ADGRD1: variants seen among roughly 807,000 people sequenced by gnomAD.
ADGRD1 encodes the protein adhesion G protein-coupled receptor D1, also known as G-protein coupled receptor 133.
ADGRD1 carries 77 observed loss-of-function variants against 113.4 expected under a neutral mutation model. The ratio of observed to expected loss-of-function variants is 0.68; its 90% CI spans 0.57 to 0.82. ADGRD1 has a LOEUF of 0.82. ADGRD1 is among the 40% of genes least tolerant of loss of function. The pLI, the probability that ADGRD1 is intolerant of heterozygous loss-of-function variation, is 0.00. For missense variants in ADGRD1, 1,036 were observed against 1,139.1 expected, an observed-to-expected ratio of 0.91 and a Z score of 1.30; for synonymous variants, 474 against 475.0, an observed-to-expected ratio of 1.00 and a Z score of 0.03.
rs146913263 is a variant in ADGRD1 at position 130,971,306 on chromosome 12, T to TAAC, written c.188-151_188-150insACA. ...ATAATATTACTGATGCTATGAATATTATCATAGAATAATATATGATGTTAT... is the reference window on the plus strand; with the variant it reads ...ATAATATTACTGATGCTATGAATATTAACATCATAGAATAATATATGATGTTAT... On this transcript the variant is annotated intron_variant, in intron 3 of 24. Transcript: ENST00000261654. The surrounding 1 kb of genome is among the most constrained non-coding windows in gnomAD (Gnocchi z 4.2). 22,844 of 368,352 alleles carry TAAC rather than the reference T, an allele frequency of 0.062. 1,325 individuals are homozygous for TAAC. Among genetic ancestry groups the TAAC allele is most frequent in the African/African-American group, 0.21 (9,695 of 46,974 alleles). 22.8% of individuals were successfully genotyped at this position (368,352 alleles called of 1,614,324 possible).
intron 21 of ADGRD1, among the ~76,000 whole-genome samples, chr12:131,135,657 G>A (rs985555302): frequency 1.2e-4 from 19 of 152,134 alleles, no homozygotes; most frequent in Middle Eastern, 3.2e-3. Context: ...GGTTCTGGAC[G>A]CTGCGGGGGA....
chr12:131,134,059 A>C (rs776667940), intron 21 of ADGRD1, among the ~76,000 whole-genome samples: 1 of 152,226 alleles, frequency 6.6e-6, no homozygotes, highest in African/African-American at 2.4e-5. Context: ...TTTTTAAAAA[A>C]GTCTCTGTTT....
Position 131,139,544 on chromosome 12 carries a change from A to T in ADGRD1, c.*281A>T. 1 of 395,656 alleles carries T rather than the reference A, an allele frequency of 2.5e-6. No homozygotes were observed. Among genetic ancestry groups the T allele is most frequent in the South Asian group, 2.9e-5 (1 of 34,660 alleles). 24.5% of individuals were successfully genotyped at this position (395,656 alleles called of 1,614,324 possible). A position where few individuals can be genotyped will look rare whatever the true frequency, so the allele number is the denominator to read the frequency against. On this transcript the variant is annotated 3_prime_UTR_variant, in exon 25 of 25. Coordinates refer to ENST00000261654, the MANE Select transcript of ADGRD1 (RefSeq NM_198827.5). ...CCCAGGACACAGTGGCCTGACTGTG[A>T]TGGTGCCCTTGAGCCTCCCTTCATC... is the stretch of plus-strand genomic sequence containing the variant.
chr12:131,088,379 G>T (rs776188318), intron 15 of ADGRD1, among the ~76,000 whole-genome samples: 25 of 152,220 alleles, frequency 1.6e-4, no homozygotes, highest in Non-Finnish European at 3.5e-4. Flanking sequence ...GCCCCGTAAG[G>T]GCCACGCGGG....
chr12:131,099,282 C>T (rs1437914968), intron 15 of ADGRD1, among the ~76,000 whole-genome samples: 3 of 152,228 alleles, frequency 2.0e-5, no homozygotes. Flanking sequence ...CTCAGTATTT[C>T]TCTCCCCCTC....
At chr12:131,051,967 TC>T (rs997204074) in intron 13 of ADGRD1, among the ~76,000 whole-genome samples, 3 of 152,230 alleles carry the variant, frequency 2.0e-5, no homozygotes, top group Admixed American at 6.5e-5. Context: ...AACTCGCATC[TC>T]CCTGCTCTGT....
intron 22 of ADGRD1, 136 bp downstream of exon 22, chr12:131,136,299 C>A: frequency 9.2e-7 from 1 of 1,085,290 alleles, no homozygotes; most frequent in Non-Finnish European, 1.3e-6. Flanking sequence ...TGCGGGGCAT[C>A]CCCGAAGCCT....
chr12:131,068,842 T>C (rs2137122572), intron 13 of ADGRD1, among the ~76,000 whole-genome samples: 1 of 152,378 alleles, frequency 6.6e-6, no homozygotes, highest in South Asian at 2.1e-4. Flanking sequence ...CAAGTAGCCA[T>C]GGCCCAGGAG....
At chr12:130,975,589 A>G (rs796995516) in intron 4 of ADGRD1, among the ~76,000 whole-genome samples, 9 of 152,336 alleles carry the variant, frequency 5.9e-5, no homozygotes, top group African/African-American at 2.2e-4. Flanking sequence ...ACCATAATAA[A>G]GTTAAATGAA....
chr12:131,007,518 G>A (rs1049393888), intron 12 of ADGRD1, among the ~76,000 whole-genome samples: 20 of 152,334 alleles, frequency 1.3e-4, no homozygotes, highest in Middle Eastern at 3.4e-3. Flanking sequence ...AGTCTGTCTC[G>A]CCTGTCCCCA....
intron 23 of ADGRD1, chr12:131,137,606 C>T (rs544188233): frequency 1.0e-4 from 22 of 211,144 alleles, no homozygotes; most frequent in South Asian, 4.4e-4. Flanking sequence ...CCGTCCTGCC[C>T]GGTCCATCTC....
At chr12:131,056,209 G>A (rs750343625) in intron 13 of ADGRD1, among the ~76,000 whole-genome samples, 2 of 152,192 alleles carry the variant, frequency 1.3e-5, no homozygotes, top group Non-Finnish European at 2.9e-5. Flanking sequence ...GTGTTAACTT[G>A]TTCTGATCGT....
chr12:130,982,772 C>T (rs969120298), intron 5 of ADGRD1, among the ~76,000 whole-genome samples: 4 of 152,008 alleles, frequency 2.6e-5, no homozygotes, highest in Non-Finnish European at 2.9e-5. Context: ...GAGACATGGA[C>T]GTGGGGCAGT....
intron 2 of ADGRD1, among the ~76,000 whole-genome samples, chr12:130,961,247 T>G (rs1254809403): frequency 6.6e-6 from 1 of 152,228 alleles, no homozygotes; most frequent in African/African-American, 2.4e-5. Context: ...TAAGTTGTTT[T>G]GAGTATTAAT....
chr12:131,037,400 A>ATGG (rs1881616010), intron 13 of ADGRD1, among the ~76,000 whole-genome samples: 1 of 98,670 alleles, frequency 1.0e-5, no homozygotes, highest in Non-Finnish European at 2.1e-5. Context: ...TCACTACACC[A>ATGG]GGTCTCAGTC....
intron 13 of ADGRD1, among the ~76,000 whole-genome samples, chr12:131,018,289 C>T (rs1481124259): frequency 1.3e-5 from 2 of 152,178 alleles, no homozygotes; most frequent in Admixed American, 1.3e-4. Context: ...GGCTGAGGCC[C>T]GCATTCTCCC....
At chr12:131,048,031 AG>A (rs2137027984) in intron 13 of ADGRD1, among the ~76,000 whole-genome samples, 1 of 152,220 alleles carries the variant, frequency 6.6e-6, no homozygotes, top group African/African-American at 2.4e-5. Flanking sequence ...GCTCCCCTGA[AG>A]GGGGTTGGGG....
rs202181334 is a variant in ADGRD1 at position 131,077,156 on chromosome 12, C to CG, written c.1547+287dup. On this transcript the variant is annotated intron_variant, in intron 14 of 24. Transcript: ENST00000261654. ...CTTTCAAGCCAGTGCAGCAGATGCT[C>CG]GGGGGAGCTGGAGGATGCTGTCCGT... is the stretch of plus-strand genomic sequence containing the variant. 8.1e-3 allele frequency among the ~76,000 whole-genome samples: 1,227 copies of CG among 152,268 alleles called. 11 individuals are homozygous for CG. The highest frequency in any genetic ancestry group is 0.022 in the South Asian group (105 of 4,822).
intron 20 of ADGRD1, among the ~76,000 whole-genome samples, chr12:131,122,816 G>C (rs930326852): frequency 4.6e-5 from 7 of 152,190 alleles, no homozygotes; most frequent in Admixed American, 3.3e-4. Context: ...GGGTTCCGAG[G>C]TGGCTCTGCC....
Sources: gnomAD v4.1 joint callset for allele counts (sites outside exome capture counted in the v4.1 genomes callset) on GRCh38, gnomAD v4.1.1 for gene constraint, Gnocchi (gnomAD v3.1) non-coding constraint, MANE v1.5 for transcripts, NCBI Gene and HGNC (gene_info 2026-07-23, HGNC 2026-07-21) for gene names.